Variants in KHDRBS2 observed in about 807,000 individuals in gnomAD.
KHDRBS2 encodes KH RNA binding domain containing, signal transduction associated 2.
In KHDRBS2, 26 loss-of-function variants were observed where a neutral mutation model predicts 44.3. The ratio of observed to expected loss-of-function variants is 0.59; its 90% CI spans 0.43 to 0.81. The LOEUF is 0.81. Among genes scored for constraint, KHDRBS2 ranks in the 40% least tolerant of loss-of-function variants. The pLI, the probability that KHDRBS2 is intolerant of heterozygous loss-of-function variation, is 0.00. For missense variants in KHDRBS2, 476 were observed against 433.1 expected (o/e 1.10, Z -0.88); for synonymous variants, 194 against 151.1 (o/e 1.28, Z -2.08).
chr6:62,236,103 T>A (rs1255309190), intron 1 of KHDRBS2, among the ~76,000 whole-genome samples: 1 of 152,108 alleles, frequency 6.6e-6, no homozygotes, highest in Non-Finnish European at 1.5e-5. Flanking sequence ...TCTTGATTGC[T>A]AATTATTTTT....
chr6:61,663,925 ACT>A, the KHDRBS2 span, among the ~76,000 whole-genome samples: 1 of 151,762 alleles, frequency 6.6e-6, no homozygotes, highest in Admixed American at 6.6e-5. Context: ...AAAAATGTAC[ACT>A]CATGTAAAAA....
chr6:62,142,496 G>A (rs1347714710), intron 2 of KHDRBS2, among the ~76,000 whole-genome samples: 1 of 151,980 alleles, frequency 6.6e-6, no homozygotes, highest in African/African-American at 2.4e-5. Flanking sequence ...CGTTTTACGT[G>A]CAAATGTGGG....
intron 6 of KHDRBS2, among the ~76,000 whole-genome samples, chr6:61,805,706 G>A (rs1787042400): frequency 6.6e-6 from 1 of 152,138 alleles, no homozygotes; most frequent in Non-Finnish European, 1.5e-5. Context: ...AGTGAAGGGG[G>A]CTAAAGTCCC....
chr6:62,148,088 G>A (rs900114881), intron 2 of KHDRBS2, among the ~76,000 whole-genome samples: 1 of 151,970 alleles, frequency 6.6e-6, no homozygotes, highest in African/African-American at 2.4e-5. Context: ...GACTGACTTC[G>A]TGACTTGACT....
At chr6:61,905,821 A>G (rs1804877141) in intron 4 of KHDRBS2, among the ~76,000 whole-genome samples, 1 of 151,726 alleles carries the variant, frequency 6.6e-6, no homozygotes, top group Non-Finnish European at 1.5e-5. Context: ...TGAGGCACCT[A>G]AATGCTTAAA....
intron 8 of KHDRBS2, among the ~76,000 whole-genome samples, chr6:61,689,638 T>C (rs1306526461): frequency 6.6e-6 from 1 of 152,006 alleles, no homozygotes; most frequent in Non-Finnish European, 1.5e-5. Context: ...TATCTGCCTA[T>C]TACCTGCTGC....
chr6:62,189,851 G>A (rs1242190254), intron 1 of KHDRBS2, among the ~76,000 whole-genome samples: 1 of 152,146 alleles, frequency 6.6e-6, no homozygotes, highest in Non-Finnish European at 1.5e-5. Flanking sequence ...GCTTGGCTGG[G>A]AAAAATGTAA....
chr6:61,616,359 G>A, the KHDRBS2 span, among the ~76,000 whole-genome samples: 1 of 151,950 alleles, frequency 6.6e-6, no homozygotes, highest in Non-Finnish European at 1.5e-5. Context: ...GTGTGGAGTT[G>A]AGGGTAAAAT....
chr6:61,846,771 G>T (rs1415274051), intron 6 of KHDRBS2, among the ~76,000 whole-genome samples: 1 of 125,022 alleles, frequency 8.0e-6, no homozygotes, highest in Non-Finnish European at 1.7e-5. Context: ...ATATGATATA[G>T]CCCTTGTAAG....
At chr6:62,173,881 C>T (rs1486131215) in intron 2 of KHDRBS2, among the ~76,000 whole-genome samples, 3 of 151,938 alleles carry the variant, frequency 2.0e-5, no homozygotes, top group South Asian at 2.1e-4. Context: ...GTTAAAAACC[C>T]TGAACAGACT....
intron 1 of KHDRBS2, among the ~76,000 whole-genome samples, chr6:62,281,551 C>CA (rs1314766005): frequency 6.6e-6 from 1 of 152,098 alleles, no homozygotes. Flanking sequence ...ACCCAGGAGG[C>CA]AGAGGTTGCA....
chr6:62,265,714 G>C (rs925802468), intron 1 of KHDRBS2, among the ~76,000 whole-genome samples: 3 of 151,930 alleles, frequency 2.0e-5, no homozygotes, highest in African/African-American at 7.2e-5. Context: ...GGAGTATCTT[G>C]TATTCACCTG....
At chr6:61,845,683 T>TGC in intron 6 of KHDRBS2, among the ~76,000 whole-genome samples, 1 of 152,176 alleles carries the variant, frequency 6.6e-6, no homozygotes, top group Non-Finnish European at 1.5e-5. Flanking sequence ...CACTTCTCAC[T>TGC]AAACTACTAC....
chr6:62,231,696 A>G (rs1832928469), intron 1 of KHDRBS2, among the ~76,000 whole-genome samples: 1 of 152,218 alleles, frequency 6.6e-6, no homozygotes. Context: ...TAAAATTTAT[A>G]AAATATTGTT....
At chr6:62,257,440 G>C (rs1563145985) in intron 1 of KHDRBS2, among the ~76,000 whole-genome samples, 2 of 152,024 alleles carry the variant, frequency 1.3e-5, no homozygotes, top group Non-Finnish European at 2.9e-5. Flanking sequence ...ATAAATAACA[G>C]AGCAGATTAT....
chr6:61,882,290 C>G (rs1325490500), intron 6 of KHDRBS2, among the ~76,000 whole-genome samples: 1 of 152,030 alleles, frequency 6.6e-6, no homozygotes, highest in Non-Finnish European at 1.5e-5. Flanking sequence ...ATCCGTACCT[C>G]TCCAACTCTG....
the KHDRBS2 span, among the ~76,000 whole-genome samples, chr6:61,580,623 G>A: frequency 1.7e-4 from 26 of 152,160 alleles, no homozygotes; most frequent in East Asian, 3.7e-3. Flanking sequence ...GCGAGACCAC[G>A]AACCCACTGG....
chr6:61,895,528 T>C (rs1802786222), intron 5 of KHDRBS2, among the ~76,000 whole-genome samples: 1 of 152,204 alleles, frequency 6.6e-6, no homozygotes, highest in South Asian at 2.1e-4. Context: ...AGGAATACTT[T>C]AGTATCTGTA....
intron 7 of KHDRBS2, among the ~76,000 whole-genome samples, chr6:61,702,746 A>C (rs1432721206): frequency 1.3e-5 from 2 of 151,912 alleles, no homozygotes; most frequent in Admixed American, 6.6e-5. Context: ...GATAAAAATA[A>C]AATTCAAATA....
Sources: allele counts gnomAD v4.1 joint callset (sites outside exome capture counted in the v4.1 genomes callset), GRCh38; gene constraint gnomAD v4.1.1; transcripts MANE v1.5; gene names NCBI Gene and HGNC (gene_info 2026-07-23, HGNC 2026-07-21).